Variants in ZBTB20 observed in about 807,000 individuals in gnomAD.
ZBTB20 encodes zinc finger and BTB domain-containing protein 20.
ZBTB20 carries 9 observed loss-of-function variants against 56.9 expected under a neutral mutation model. That is an observed-to-expected ratio of 0.16 (90% CI 0.10 to 0.28). The LOEUF (loss-of-function observed/expected upper bound fraction) is 0.28, where lower values mean the gene tolerates loss of function less well. Ranked by LOEUF, ZBTB20 falls within the 10% of genes least tolerant of loss-of-function variation. ZBTB20 has a pLI of 1.00. For synonymous variants in ZBTB20, 417 were observed against 420.7 expected (o/e 0.99, Z 0.11); for missense variants, 655 against 1,003.0 (o/e 0.65, Z 4.69).
intron 6 of ZBTB20, among the ~76,000 whole-genome samples, chr3:114,670,886 A>G (rs2061326894): frequency 6.6e-6 from 1 of 152,116 alleles, no homozygotes; most frequent in South Asian, 2.1e-4. Context: ...CTAGTCTCTG[A>G]TATTAGTTTC....
chr3:114,797,315 C>T (rs1235000834), intron 5 of ZBTB20, among the ~76,000 whole-genome samples: 1 of 151,690 alleles, frequency 6.6e-6, no homozygotes, highest in Non-Finnish European at 1.5e-5. Context: ...GAAAACTGAT[C>T]CTCCCATACA....
chr3:114,779,543 T>C (rs1247073920), intron 5 of ZBTB20, among the ~76,000 whole-genome samples: 1 of 152,220 alleles, frequency 6.6e-6, no homozygotes, highest in African/African-American at 2.4e-5. Flanking sequence ...TGATAAATTA[T>C]TGAGTGCTAT....
chr3:114,726,230 G>A (rs2065265436), intron 5 of ZBTB20, among the ~76,000 whole-genome samples: 1 of 152,094 alleles, frequency 6.6e-6, no homozygotes, highest in Admixed American at 6.6e-5. Flanking sequence ...ATTTTAGACA[G>A]GGTGGGGTGT....
At chr3:114,978,474 G>A (rs1003684820) in intron 2 of ZBTB20, among the ~76,000 whole-genome samples, 2 of 151,314 alleles carry the variant, frequency 1.3e-5, no homozygotes, top group African/African-American at 4.8e-5. Context: ...TATGTAATAG[G>A]ATATTAAGTG....
intron 7 of ZBTB20, among the ~76,000 whole-genome samples, chr3:114,418,122 T>G (rs2718419): frequency 0.24 from 36,486 of 150,532 alleles, 4,830 homozygotes; most frequent in Middle Eastern, 0.33. Context: ...GGAAGAAGGA[T>G]CAACCTTGAT....
intron 2 of ZBTB20, among the ~76,000 whole-genome samples, chr3:114,993,075 T>C (rs1576511364): frequency 1.3e-5 from 2 of 151,998 alleles, no homozygotes; most frequent in Admixed American, 1.3e-4. Flanking sequence ...ATTCAACATC[T>C]ACCTATTAAA....
intron 6 of ZBTB20, among the ~76,000 whole-genome samples, chr3:114,532,167 A>T (rs988457423): frequency 2.0e-5 from 3 of 152,200 alleles, no homozygotes; most frequent in Non-Finnish European, 1.5e-5. Context: ...TGGGGGCTGA[A>T]GCCAGGGAGC....
At chr3:114,720,492 G>T (rs1374704358) in intron 5 of ZBTB20, among the ~76,000 whole-genome samples, 1 of 152,058 alleles carries the variant, frequency 6.6e-6, no homozygotes, top group Non-Finnish European at 1.5e-5. Context: ...TCCATTAGTA[G>T]CCTGGTTATC....
At chr3:114,721,540 C>T (rs561867004) in intron 5 of ZBTB20, among the ~76,000 whole-genome samples, 2 of 152,256 alleles carry the variant, frequency 1.3e-5, no homozygotes, top group Admixed American at 1.3e-4. Context: ...TAGATTAACC[C>T]ATTAATCTCC....
intron 5 of ZBTB20, among the ~76,000 whole-genome samples, chr3:114,698,289 C>T (rs1000252746): frequency 6.6e-6 from 1 of 151,856 alleles, no homozygotes; most frequent in Admixed American, 6.6e-5. Flanking sequence ...TTTGGCTGAA[C>T]AAAACAGCCC....
At chr3:114,821,393 A>C (rs2073236527) in intron 4 of ZBTB20, among the ~76,000 whole-genome samples, 1 of 152,080 alleles carries the variant, frequency 6.6e-6, no homozygotes, top group Non-Finnish European at 1.5e-5. Context: ...CACATCAATC[A>C]AGTATGTATG....
At position 114,319,279 on chromosome 3, in the gene ZBTB20, A is replaced by C. The variant is rs1408045925; in HGVS notation, c.*19726T>G. 1 of 152,122 alleles carries C rather than the reference A, an allele frequency of 6.6e-6. No homozygotes were observed. Among genetic ancestry groups the C allele is most frequent in the African/African-American group, 2.4e-5 (1 of 41,406 alleles). The allele number at this position is 152,122 out of a possible 1,614,324, so 9.4% of individuals were successfully genotyped here. On this transcript the variant is annotated 3_prime_UTR_variant, in exon 12 of 12. Coordinates refer to ENST00000675478, the MANE Select transcript of ZBTB20 (RefSeq NM_001348800.3). ...CCTTCCTTTCCAAAAAAGATTCTTC[A>C]CAAAAAAATGTAGAAAAAATTCCAA...
At chr3:115,032,899 CTTACA>C (rs923498936) in intron 2 of ZBTB20, among the ~76,000 whole-genome samples, 1 of 142,862 alleles carries the variant, frequency 7.0e-6, no homozygotes, top group Non-Finnish European at 1.5e-5. Flanking sequence ...ATTATAAATG[CTTACA>C]TTAAACAACA....
intron 2 of ZBTB20, among the ~76,000 whole-genome samples, chr3:115,049,835 G>T (rs1487285656): frequency 6.6e-6 from 1 of 152,126 alleles, no homozygotes; most frequent in Non-Finnish European, 1.5e-5. Context: ...GTACTGGTTT[G>T]TCATGGCTTT....
intron 5 of ZBTB20, among the ~76,000 whole-genome samples, chr3:114,780,136 A>G (rs2069967224): frequency 6.6e-6 from 1 of 152,206 alleles, no homozygotes; most frequent in African/African-American, 2.4e-5. Context: ...GTAATAGATT[A>G]TTGCATAATT....
chr3:114,315,261 GC>G lies in ZBTB20; in HGVS notation c.*23743del, dbSNP rs2078634921. The G allele has an allele frequency of 6.6e-6, 1 of 152,144 alleles. No homozygotes were observed. Among genetic ancestry groups the G allele is most frequent in the Non-Finnish European group, 1.5e-5 (1 of 68,030 alleles). 9.4% of individuals were successfully genotyped at this position (152,144 alleles called of 1,614,324 possible). A position where few individuals can be genotyped will look rare whatever the true frequency, so the allele number is the denominator to read the frequency against. On this transcript the variant is annotated 3_prime_UTR_variant, in exon 12 of 12. Coordinates refer to ENST00000675478, the MANE Select transcript of ZBTB20 (RefSeq NM_001348800.3). ...GAGGGTATAACACTGCAGTCATTCAGCCCAGGTTCCTCTTAGGAAATTAACC... is the reference window on the plus strand; with the variant it reads ...GAGGGTATAACACTGCAGTCATTCAGCCAGGTTCCTCTTAGGAAATTAACC...
Position 114,328,561 on chromosome 3 carries a change from A to G in ZBTB20, c.*10444T>C, listed in dbSNP as rs1411257456. The G allele has an allele frequency of 6.6e-6, 1 of 152,142 alleles. No individual in the cohort carries two copies. The highest frequency in any genetic ancestry group is 6.5e-5 in the Admixed American group (1 of 15,274). The allele number at this position is 152,142 out of a possible 1,614,324, so 9.4% of individuals were successfully genotyped here. Reference sequence around the variant, plus strand: ...TTTGGCCAAACGTGAAGGTAAGGGGAATTAATGACCTCAGCTAGTACAGTT... The same window carrying G: ...TTTGGCCAAACGTGAAGGTAAGGGGGATTAATGACCTCAGCTAGTACAGTT... On this transcript the variant is annotated 3_prime_UTR_variant, in exon 12 of 12. Transcript: ENST00000675478.
At chr3:114,422,848 G>A (rs2089309676) in intron 7 of ZBTB20, among the ~76,000 whole-genome samples, 1 of 151,994 alleles carries the variant, frequency 6.6e-6, no homozygotes, top group African/African-American at 2.4e-5. Context: ...TATATCATAA[G>A]CTACTGAAAA....
intron 6 of ZBTB20, among the ~76,000 whole-genome samples, chr3:114,620,579 A>AC (rs1560047503): frequency 6.6e-6 from 1 of 152,218 alleles, no homozygotes; most frequent in Non-Finnish European, 1.5e-5. Flanking sequence ...GGCATGAGCC[A>AC]CTGTGTCCGG....
Sources: allele counts gnomAD v4.1 joint callset (sites outside exome capture counted in the v4.1 genomes callset), GRCh38; gene constraint gnomAD v4.1.1; transcripts MANE v1.5; gene names NCBI Gene and HGNC (gene_info 2026-07-23, HGNC 2026-07-21).